Variants in MAGI2 observed in about 807,000 individuals in gnomAD.
MAGI2 encodes the protein membrane-associated guanylate kinase, WW and PDZ domain-containing protein 2.
Under a neutral mutation model 133.3 loss-of-function variants are expected in MAGI2, and 35 were observed. The ratio of observed to expected loss-of-function variants is 0.26; its 90% CI spans 0.20 to 0.35. MAGI2 has a LOEUF of 0.35. MAGI2 is among the 10% of genes least tolerant of loss of function. The pLI is 1.00. For missense variants in MAGI2, 1,636 were observed against 1,863.4 expected, an observed-to-expected ratio of 0.88 and a Z score of 2.25; for synonymous variants, 729 against 710.6, an observed-to-expected ratio of 1.03 and a Z score of -0.41.
At chr7:79,375,794 A>G (rs563499170) in intron 1 of MAGI2, among the ~76,000 whole-genome samples, 21 of 152,084 alleles carry the variant, frequency 1.4e-4, no homozygotes, top group African/African-American at 4.1e-4. Context: ...GAGAGGTTTG[A>G]GTTATCAAAT....
intron 2 of MAGI2, among the ~76,000 whole-genome samples, chr7:78,776,996 C>T (rs961950808): frequency 2.0e-5 from 3 of 152,138 alleles, no homozygotes; most frequent in Non-Finnish European, 4.4e-5. Flanking sequence ...TGGGAACTTT[C>T]TCACCCTGTC....
chr7:78,562,115 G>A (rs1414251632), intron 3 of MAGI2, among the ~76,000 whole-genome samples: 2 of 152,284 alleles, frequency 1.3e-5, no homozygotes, highest in East Asian at 1.9e-4. Context: ...GGATGTGGCA[G>A]TGATGTACAT....
chr7:78,531,402 C>T (rs1007789610), intron 3 of MAGI2, among the ~76,000 whole-genome samples: 4 of 151,826 alleles, frequency 2.6e-5, no homozygotes, highest in Admixed American at 6.6e-5. Context: ...TTAGTAGAGA[C>T]GGGGTTTCAC....
chr7:78,241,971 G>A (rs144883146), intron 10 of MAGI2, among the ~76,000 whole-genome samples: 12 of 145,368 alleles, frequency 8.3e-5, no homozygotes, highest in East Asian at 2.2e-4. Context: ...ACCTGATGAC[G>A]TGACATGATC....
chr7:78,823,301 C>T (rs966652930), intron 2 of MAGI2, among the ~76,000 whole-genome samples: 2 of 151,650 alleles, frequency 1.3e-5, no homozygotes, highest in African/African-American at 2.4e-5. Context: ...ACGACACTGT[C>T]GGCCGGGCGC....
At chr7:78,669,384 C>T (rs541872700) in intron 2 of MAGI2, among the ~76,000 whole-genome samples, 1 of 152,158 alleles carries the variant, frequency 6.6e-6, no homozygotes, top group Non-Finnish European at 1.5e-5. Context: ...GAAGTTGAAT[C>T]TCTGAATAGA....
At chr7:79,360,560 A>C (rs1057014777) in intron 1 of MAGI2, among the ~76,000 whole-genome samples, 1 of 152,140 alleles carries the variant, frequency 6.6e-6, no homozygotes, top group Non-Finnish European at 1.5e-5. Context: ...TCTGAAGACA[A>C]CAATATTTAA....
chr7:78,855,104 A>T (rs117784285), intron 2 of MAGI2, among the ~76,000 whole-genome samples: 3,921 of 152,150 alleles, frequency 0.026, 73 homozygotes, highest in Middle Eastern at 0.048. Flanking sequence ...TTACTTAAAA[A>T]ATATTTTTGT....
At chr7:78,919,108 G>A (rs1045472845) in intron 2 of MAGI2, among the ~76,000 whole-genome samples, 1 of 152,064 alleles carries the variant, frequency 6.6e-6, no homozygotes, top group African/African-American at 2.4e-5. Flanking sequence ...ACATTGCATA[G>A]TGGAAGAGTC....
chr7:78,113,133 G>T (rs1052811273), intron 20 of MAGI2, among the ~76,000 whole-genome samples: 11 of 104,530 alleles, frequency 1.1e-4, no homozygotes, highest in African/African-American at 3.4e-4. Flanking sequence ...GAGCTGGGAG[G>T]GGGACTGGGG....
intron 2 of MAGI2, among the ~76,000 whole-genome samples, chr7:78,697,194 G>C (rs1817612041): frequency 6.6e-6 from 1 of 151,984 alleles, no homozygotes; most frequent in Non-Finnish European, 1.5e-5. Context: ...TTTAGGGAGA[G>C]CTTTGGAAGT....
At chr7:78,285,026 C>G (rs798336) in intron 9 of MAGI2, among the ~76,000 whole-genome samples, 1 of 152,110 alleles carries the variant, frequency 6.6e-6, no homozygotes, top group Non-Finnish European at 1.5e-5. Context: ...CAACTGGCCA[C>G]GGACACTCTG....
chr7:78,525,577 G>A (rs1433607738), intron 3 of MAGI2, among the ~76,000 whole-genome samples: 1 of 152,150 alleles, frequency 6.6e-6, no homozygotes, highest in East Asian at 1.9e-4. Flanking sequence ...TATGCATAGT[G>A]CCTGGATATA....
At chr7:79,230,971 A>C (rs1180951750) in intron 1 of MAGI2, among the ~76,000 whole-genome samples, 1 of 115,286 alleles carries the variant, frequency 8.7e-6, no homozygotes, top group Non-Finnish European at 1.9e-5. Flanking sequence ...ATTTTTGTAT[A>C]AAGTGTAAGG....
At chr7:78,761,537 C>T (rs1255922013) in intron 2 of MAGI2, among the ~76,000 whole-genome samples, 1 of 150,544 alleles carries the variant, frequency 6.6e-6, no homozygotes, top group East Asian at 2.0e-4. Context: ...GTGATTTCAG[C>T]TCACTGCAAC....
intron 2 of MAGI2, among the ~76,000 whole-genome samples, chr7:78,934,638 T>G (rs530697974): frequency 5.3e-4 from 80 of 152,252 alleles, no homozygotes; most frequent in African/African-American, 1.9e-3. Context: ...TAAAATTACC[T>G]TCAGGATGTA....
At chr7:79,173,745 CT>C (rs1485461593) in intron 1 of MAGI2, among the ~76,000 whole-genome samples, 4 of 152,038 alleles carry the variant, frequency 2.6e-5, no homozygotes, top group African/African-American at 9.7e-5. Flanking sequence ...AGGAAGGGAC[CT>C]GTTCTATAGA....
chr7:79,011,088 CAA>C (rs2116574856), intron 1 of MAGI2: 1 of 152,170 alleles, frequency 6.6e-6, no homozygotes, highest in Admixed American at 6.6e-5. Context: ...GAAGCTCACA[CAA>C]AGAGTATGGT....
rs557592383 is a variant in MAGI2 at position 78,963,455 on chromosome 7, T to A, written c.418+43635A>T. Among the ~76,000 whole-genome samples, 12 of 152,212 alleles carry A rather than the reference T, an allele frequency of 7.9e-5. No individual in the cohort carries two copies. The South Asian group carries it at 2.5e-3, about 32-fold the overall frequency. Reference sequence around the variant, plus strand: ...ACATCTTTGTAGAAAATGCGTGAGATCTGAAAGAAAAAACATAGCACCATT... The same window carrying A: ...ACATCTTTGTAGAAAATGCGTGAGAACTGAAAGAAAAAACATAGCACCATT... On this transcript the variant is annotated intron_variant, in intron 2 of 21. Transcript: ENST00000354212.
Sources: allele counts gnomAD v4.1 joint callset (sites outside exome capture counted in the v4.1 genomes callset), GRCh38; gene constraint gnomAD v4.1.1; transcripts MANE v1.5; gene names NCBI Gene and HGNC (gene_info 2026-07-23, HGNC 2026-07-21).